PTPN14: variants seen among roughly 807,000 people sequenced by gnomAD.
The protein encoded by PTPN14 is tyrosine-protein phosphatase non-receptor type 14.
In PTPN14, 53 loss-of-function variants were observed where a neutral mutation model predicts 126.8. The ratio of observed to expected loss-of-function variants is 0.42; its 90% CI spans 0.34 to 0.53. The LOEUF is 0.53. Among genes scored for constraint, PTPN14 ranks in the 20% least tolerant of loss-of-function variants. The pLI is 0.08. For missense variants in PTPN14, 1,257 were observed against 1,552.9 expected, an observed-to-expected ratio of 0.81 and a Z score of 3.20; for synonymous variants, 630 against 599.3, an observed-to-expected ratio of 1.05 and a Z score of -0.75.
chr1:214,350,240 A>G lies in PTPN14; in HGVS notation c.*7682T>C, dbSNP rs377038074. The G allele has an allele frequency of 1.1e-4, 16 of 152,324 alleles. No individual in the cohort carries two copies. The East Asian group carries it at 1.2e-3, about 11-fold the overall frequency. 9.4% of individuals were successfully genotyped at this position (152,324 alleles called of 1,614,324 possible). On this transcript the variant is annotated 3_prime_UTR_variant, in exon 19 of 19. Coordinates refer to ENST00000366956, the MANE Select transcript of PTPN14 (RefSeq NM_005401.5). Reference sequence around the variant, plus strand: ...TACCACCTGTTTCACTAGAATGGCCAGTCTGTGTAAAGAGGCTATAATGAC... The same window carrying G: ...TACCACCTGTTTCACTAGAATGGCCGGTCTGTGTAAAGAGGCTATAATGAC...
chr1:214,470,148 A>G (rs1660722055), intron 1 of PTPN14, among the ~76,000 whole-genome samples: 1 of 152,008 alleles, frequency 6.6e-6, no homozygotes, highest in South Asian at 2.1e-4. Flanking sequence ...AAATAGCTGG[A>G]CATGGTTTTG....
chr1:214,377,879 C>A (rs1658378660), intron 14 of PTPN14, 80 bp downstream of exon 14: 3 of 1,489,744 alleles, frequency 2.0e-6, no homozygotes, highest in Non-Finnish European at 2.7e-6. Context: ...AATCTCAATG[C>A]TGGCATATTC....
intron 12 of PTPN14, among the ~76,000 whole-genome samples, chr1:214,385,509 CTA>C (rs1491330681): frequency 6.9e-4 from 105 of 152,136 alleles, no homozygotes; most frequent in African/African-American, 2.4e-3. Flanking sequence ...TGATTGATTT[CTA>C]CAATCAGGCC....
intron 3 of PTPN14, among the ~76,000 whole-genome samples, chr1:214,433,951 CA>C (rs1158472144): frequency 0.026 from 2,565 of 98,426 alleles, 49 homozygotes; most frequent in African/African-American, 0.074. Context: ...CACACACACA[CA>C]AAAAAAAAAA....
rs1242190716 is a variant in PTPN14 at position 214,383,513 on chromosome 1, A to G, written c.2342T>C (p.Leu781Pro). ...LPPAMARARV[L>P]RHGPAKAISM... ...GATGGCCTTGGCTGGCCCATGCCTC[A>G]GCACCCTGGCTCTGGCCATGGCGGG... Residue 781 changes from leucine (L) to proline (P), a missense_variant, in exon 13 of 19, where the codon CTG (leucine) becomes CCG (proline). By Grantham distance (98) the Leu-to-Pro change is moderately conservative. Coordinates refer to ENST00000366956, the MANE Select transcript of PTPN14 (RefSeq NM_005401.5). The surrounding 1 kb of genome is among the most constrained non-coding windows in gnomAD (Gnocchi z 4.4). 6.2e-7 allele frequency: 1 copy of G among 1,614,016 alleles called. No individual in the cohort carries two copies. The highest frequency in any genetic ancestry group is 1.3e-5 in the African/African-American group (1 of 74,950).
chr1:214,364,010 C>T lies in PTPN14; in HGVS notation c.3435+502G>A, dbSNP rs1460381706. Among the ~76,000 whole-genome samples the T allele has an allele frequency of 2.6e-5, 4 of 152,146 alleles. No homozygotes were observed. Among genetic ancestry groups the T allele is most frequent in the African/African-American group, 4.8e-5 (2 of 41,420 alleles). On this transcript the variant is annotated intron_variant, in intron 18 of 18. Transcript: ENST00000366956. The surrounding 1 kb of genome is among the most constrained non-coding windows in gnomAD (Gnocchi z 4.1). The stretch of plus-strand genomic sequence containing the variant: ...CGTGCTCAAAGTATCTACTCTGCTC[C>T]GCTACACCACGCAACAACCAGACTA...
intron 3 of PTPN14, among the ~76,000 whole-genome samples, chr1:214,420,333 G>A (rs1256777661): frequency 6.6e-6 from 1 of 152,142 alleles, no homozygotes; most frequent in African/African-American, 2.4e-5. Context: ...CTTGGCAAAC[G>A]TTCAAGTCTA....
chr1:214,373,908 C>T (rs1203286426), intron 15 of PTPN14, among the ~76,000 whole-genome samples: 1 of 152,182 alleles, frequency 6.6e-6, no homozygotes, highest in Non-Finnish European at 1.5e-5. Flanking sequence ...AACTGAACTA[C>T]AGTCATGACA....
chr1:214,460,279 T>TA (rs1239459223), intron 2 of PTPN14, among the ~76,000 whole-genome samples: 1 of 152,158 alleles, frequency 6.6e-6, no homozygotes, highest in Non-Finnish European at 1.5e-5. Context: ...ATTTTAGAAA[T>TA]ACTATCCTAT....
intron 1 of PTPN14, among the ~76,000 whole-genome samples, chr1:214,500,377 C>T (rs974060884): frequency 1.3e-5 from 2 of 152,124 alleles, no homozygotes; most frequent in African/African-American, 4.8e-5. Context: ...CATGTCAACT[C>T]AAACTTTGTT....
rs10562157 is a variant in PTPN14 at position 214,373,558 on chromosome 1, AACACACACACACACACAC to A, written c.2908-737_2908-720del. ...TCTCTTTTCTAGTCGATTTCATTGA[AACACACACACACACACAC>A]ACACACACACACACACACACACACA... On this transcript the variant is annotated intron_variant, in intron 15 of 18. Transcript: ENST00000366956. Among the ~76,000 whole-genome samples, 137 of 138,686 alleles carry A rather than the reference AACACACACACACACACAC, an allele frequency of 9.9e-4. 1 individual carries two copies. In the East Asian group the frequency reaches 0.011, roughly 11 times the overall value. 91.0% of individuals were successfully genotyped at this position (138,686 alleles called of 152,430 possible).
chr1:214,514,475 A>G (rs960872597), intron 1 of PTPN14, among the ~76,000 whole-genome samples: 1 of 152,188 alleles, frequency 6.6e-6, no homozygotes, highest in Non-Finnish European at 1.5e-5. Flanking sequence ...GAAAGTATGA[A>G]CCAGTGGTTT....
intron 18 of PTPN14, among the ~76,000 whole-genome samples, chr1:214,359,214 T>A (rs1558067853): frequency 6.6e-6 from 1 of 151,694 alleles, no homozygotes; most frequent in Non-Finnish European, 1.5e-5. Context: ...GAACACTTTT[T>A]TTCTTTTTTT....
At chr1:214,443,091 G>A (rs1225451427) in intron 3 of PTPN14, among the ~76,000 whole-genome samples, 1 of 152,110 alleles carries the variant, frequency 6.6e-6, no homozygotes, top group Admixed American at 6.6e-5. Flanking sequence ...CCAAAGTGCT[G>A]GGATTACAGG....
intron 3 of PTPN14, among the ~76,000 whole-genome samples, chr1:214,415,913 A>G (rs570182524): frequency 2.0e-5 from 3 of 152,362 alleles, no homozygotes; most frequent in African/African-American, 7.2e-5. Context: ...ATGGGCTAGA[A>G]AAAATCACGA....
At chr1:214,480,811 A>G (rs1660967398) in intron 1 of PTPN14, among the ~76,000 whole-genome samples, 1 of 152,218 alleles carries the variant, frequency 6.6e-6, no homozygotes, top group Admixed American at 6.5e-5. Flanking sequence ...TTATTCCCAC[A>G]GCACATAATA....
intron 18 of PTPN14, among the ~76,000 whole-genome samples, chr1:214,358,890 G>A (rs1018263451): frequency 2.0e-5 from 3 of 151,284 alleles, no homozygotes; most frequent in African/African-American, 4.9e-5. Context: ...TTACAGGTGC[G>A]CACCACCACG....
At chr1:214,406,227 C>T (rs985595243) in intron 5 of PTPN14, among the ~76,000 whole-genome samples, 1 of 152,106 alleles carries the variant, frequency 6.6e-6, no homozygotes, top group Non-Finnish European at 1.5e-5. Context: ...CCTGTAATAC[C>T]GGCACTTTGG....
intron 7 of PTPN14, among the ~76,000 whole-genome samples, chr1:214,399,593 T>G (rs1658969850): frequency 1.3e-5 from 2 of 152,224 alleles, no homozygotes; most frequent in African/African-American, 4.8e-5. Flanking sequence ...GCCAAAACTT[T>G]CACCTCTTAA....
Sources: allele counts gnomAD v4.1 joint callset (sites outside exome capture counted in the v4.1 genomes callset), GRCh38; gene constraint gnomAD v4.1.1; non-coding constraint Gnocchi (gnomAD v3.1); transcripts MANE v1.5; gene names NCBI Gene and HGNC (gene_info 2026-07-23, HGNC 2026-07-21).